Variants in GALNT13 observed in about 807,000 individuals in gnomAD.
The protein encoded by GALNT13 is polypeptide N-acetylgalactosaminyltransferase 13, also known as UDP-GalNAc:polypeptide N-acetylgalactosaminyltransferase 13.
GALNT13 carries 28 observed loss-of-function variants against 64.2 expected under a neutral mutation model. That is an observed-to-expected ratio of 0.44 (90% CI 0.32 to 0.60). GALNT13 has a LOEUF of 0.60. Ranked by LOEUF, GALNT13 falls within the 20% of genes least tolerant of loss-of-function variation. The probability of loss-of-function intolerance (pLI) is 0.05; values close to 1 mark genes in which losing one functional copy is unlikely to be tolerated. For synonymous variants in GALNT13, 214 were observed against 224.6 expected (o/e 0.95, Z 0.42); for missense variants, 577 against 669.8 (o/e 0.86, Z 1.53).
chr2:154,061,876 T>C (rs1357134235), intron 3 of GALNT13, among the ~76,000 whole-genome samples: 1 of 152,192 alleles, frequency 6.6e-6, no homozygotes, highest in East Asian at 1.9e-4. Flanking sequence ...TTATTTATAT[T>C]GTAAGTAGGT....
chr2:153,107,055 TA>T, the GALNT13 span, among the ~76,000 whole-genome samples: 2 of 152,190 alleles, frequency 1.3e-5, no homozygotes, highest in African/African-American at 4.8e-5. Context: ...AGGTTACATT[TA>T]AAAGTGCTCT....
chr2:153,445,331 A>G, the GALNT13 span, among the ~76,000 whole-genome samples: 1 of 152,326 alleles, frequency 6.6e-6, no homozygotes, highest in Admixed American at 6.5e-5. Context: ...AAGACATATG[A>G]TAAAATTTAT....
At chr2:153,948,286 A>G (rs1406822062) in intron 3 of GALNT13, among the ~76,000 whole-genome samples, 1 of 152,022 alleles carries the variant, frequency 6.6e-6, no homozygotes, top group Non-Finnish European at 1.5e-5. Context: ...CTAATTGCAA[A>G]TCAAAGCCGC....
At chr2:153,764,900 G>A in the GALNT13 span, among the ~76,000 whole-genome samples, 9 of 152,246 alleles carry the variant, frequency 5.9e-5, no homozygotes, top group African/African-American at 2.2e-4. Context: ...CATTGCTTCA[G>A]AGGGTGCAGG....
chr2:154,174,035 C>T (rs1394434861), intron 4 of GALNT13, among the ~76,000 whole-genome samples: 1 of 152,078 alleles, frequency 6.6e-6, no homozygotes, highest in Non-Finnish European at 1.5e-5. Context: ...AAGTTTTCTG[C>T]TGGGTATATA....
the GALNT13 span, among the ~76,000 whole-genome samples, chr2:153,684,696 T>A: frequency 6.6e-6 from 1 of 151,956 alleles, no homozygotes; most frequent in East Asian, 1.9e-4. Flanking sequence ...TGCAGGTTTG[T>A]TATATAGCTA....
intron 8 of GALNT13, among the ~76,000 whole-genome samples, chr2:154,275,469 AG>A (rs1384402939): frequency 6.6e-6 from 1 of 152,226 alleles, no homozygotes; most frequent in African/African-American, 2.4e-5. Context: ...CCATTGTTTT[AG>A]GGGGTGCAAG....
At chr2:153,622,049 GGTAA>G in the GALNT13 span, among the ~76,000 whole-genome samples, 1 of 151,984 alleles carries the variant, frequency 6.6e-6, no homozygotes, top group Non-Finnish European at 1.5e-5. Flanking sequence ...GCCCCAAACT[GGTAA>G]GTATTTATGC....
At chr2:153,998,985 T>A (rs1695712386) in intron 3 of GALNT13, among the ~76,000 whole-genome samples, 1 of 152,068 alleles carries the variant, frequency 6.6e-6, no homozygotes, top group African/African-American at 2.4e-5. Flanking sequence ...CCAAAGTAAT[T>A]TATAGAATCA....
At chr2:154,002,785 T>A (rs1008055769) in intron 3 of GALNT13, among the ~76,000 whole-genome samples, 1 of 152,160 alleles carries the variant, frequency 6.6e-6, no homozygotes, top group Non-Finnish European at 1.5e-5. Context: ...TTTGGTGGTT[T>A]TAGACTTTTA....
the GALNT13 span, among the ~76,000 whole-genome samples, chr2:153,209,231 C>T: frequency 5.3e-5 from 8 of 152,070 alleles, no homozygotes; most frequent in Non-Finnish European, 7.4e-5. Context: ...CCACCCGCCT[C>T]GGCCTCCCAA....
chr2:153,803,606 G>A, the GALNT13 span, among the ~76,000 whole-genome samples: 2 of 151,438 alleles, frequency 1.3e-5, no homozygotes, highest in South Asian at 2.1e-4. Flanking sequence ...GCAGGAGAAC[G>A]GCGTGAACCC....
chr2:154,446,453 T>G, intron 12 of GALNT13: 2 of 1,116,046 alleles, frequency 1.8e-6, no homozygotes, highest in Non-Finnish European at 2.4e-6. Flanking sequence ...ACAATTATTG[T>G]GACATGTGCC....
chr2:153,588,977 A>C, the GALNT13 span, among the ~76,000 whole-genome samples: 1 of 151,828 alleles, frequency 6.6e-6, no homozygotes, highest in African/African-American at 2.4e-5. Context: ...GACCAGCCTG[A>C]CCAACATGGA....
the GALNT13 span, among the ~76,000 whole-genome samples, chr2:153,074,297 A>G: frequency 6.6e-6 from 1 of 152,232 alleles, no homozygotes; most frequent in South Asian, 2.1e-4. Flanking sequence ...CATTTTTTTG[A>G]CCATTTGAGT....
chr2:153,896,198 TTTTC>T (rs1283340791), intron 1 of GALNT13, among the ~76,000 whole-genome samples: 1 of 150,560 alleles, frequency 6.6e-6, no homozygotes, highest in Non-Finnish European at 1.5e-5. Context: ...CTTTTGTCTT[TTTTC>T]TTTAAGTCCT....
chr2:153,786,232 C>T, the GALNT13 span, among the ~76,000 whole-genome samples: 2 of 152,152 alleles, frequency 1.3e-5, no homozygotes, highest in African/African-American at 4.8e-5. Flanking sequence ...CCTTCTGGCA[C>T]TGCAGTTACA....
At chr2:154,140,254 A>G in intron 3 of GALNT13, 83 bp from the exon 4 acceptor site, 1 of 1,009,358 alleles carries the variant, frequency 9.9e-7, no homozygotes, top group African/African-American at 1.6e-5. Flanking sequence ...ATGCTTCAGA[A>G]TCTAATCAGA....
the GALNT13 span, among the ~76,000 whole-genome samples, chr2:153,562,037 T>TTC: frequency 8.6e-6 from 1 of 116,902 alleles, no homozygotes; most frequent in African/African-American, 3.7e-5. Flanking sequence ...CTCCTCTCTC[T>TTC]CTCTTTCTCT....
Sources: allele counts gnomAD v4.1 joint callset (sites outside exome capture counted in the v4.1 genomes callset), GRCh38; gene constraint gnomAD v4.1.1; transcripts MANE v1.5; gene names NCBI Gene and HGNC (gene_info 2026-07-23, HGNC 2026-07-21).